Variants in TBC1D19 observed in about 807,000 individuals in gnomAD.
TBC1D19 encodes TBC1 domain family member 19.
A neutral mutation model predicts 89.0 loss-of-function variants in TBC1D19; 60 were observed. That is an observed-to-expected ratio of 0.67 (90% CI 0.55 to 0.84). The LOEUF (loss-of-function observed/expected upper bound fraction) is 0.84, where lower values mean the gene tolerates loss of function less well. TBC1D19 is among the 40% of genes least tolerant of loss of function. TBC1D19 has a pLI of 0.00. For synonymous variants in TBC1D19, 189 were observed against 199.7 expected (o/e 0.95, Z 0.45); for missense variants, 500 against 610.8 (o/e 0.82, Z 1.91).
In TBC1D19 at chr4:26,683,667, A is replaced by T. The variant is rs574301053; in HGVS notation, c.817-8A>T. 1 of 1,599,986 alleles carries T rather than the reference A, an allele frequency of 6.3e-7. No individual in the cohort carries two copies. Among genetic ancestry groups the T allele is most frequent in the Non-Finnish European group, 8.5e-7 (1 of 1,175,570 alleles). On this transcript the variant is annotated splice_region_variant and splice_polypyrimidine_tract_variant and intron_variant, in intron 11 of 20. Coordinates refer to ENST00000264866, the MANE Select transcript of TBC1D19 (RefSeq NM_018317.4). ...CCTTTAATTTTTTTGTTTTACTTTTAAATTTAGGATGTCTTGTATTATGAG... is the reference window on the plus strand; with the variant it reads ...CCTTTAATTTTTTTGTTTTACTTTTTAATTTAGGATGTCTTGTATTATGAG...
At chr4:26,810,792 A>G in the TBC1D19 span, among the ~76,000 whole-genome samples, 1 of 152,130 alleles carries the variant, frequency 6.6e-6, no homozygotes, top group African/African-American at 2.4e-5. Context: ...CTCCCACTAG[A>G]CAGTAAGTTC....
the TBC1D19 span, among the ~76,000 whole-genome samples, chr4:26,857,097 T>C: frequency 6.6e-6 from 1 of 152,248 alleles, no homozygotes; most frequent in Non-Finnish European, 1.5e-5. Flanking sequence ...AGGAAGGGTC[T>C]TGCTAATGAG....
chr4:26,624,781 T>G (rs10003174), intron 4 of TBC1D19, among the ~76,000 whole-genome samples: 249 of 152,206 alleles, frequency 1.6e-3, no homozygotes, highest in African/African-American at 5.7e-3. Flanking sequence ...TAGATACAGA[T>G]TCTGCCTTCA....
chr4:26,823,842 G>C, the TBC1D19 span, among the ~76,000 whole-genome samples: 2 of 152,346 alleles, frequency 1.3e-5, no homozygotes, highest in African/African-American at 4.8e-5. Flanking sequence ...CTTGTCGTCA[G>C]TGTATTTTTG....
At chr4:26,585,281 G>GT in intron 1 of TBC1D19, 3 of 384,304 alleles carry the variant, frequency 7.8e-6, no homozygotes, top group Non-Finnish European at 1.5e-5. Flanking sequence ...AGTTCCAATT[G>GT]TTTTGCGTCC....
chr4:26,754,196 T>C, intron 20 of TBC1D19: 1 of 257,164 alleles, frequency 3.9e-6, no homozygotes, highest in South Asian at 8.5e-5. Context: ...TTTTTTATCG[T>C]TCATGTCCAT....
chr4:26,710,025 G>C (rs1427088180), intron 13 of TBC1D19, among the ~76,000 whole-genome samples: 3 of 151,112 alleles, frequency 2.0e-5, no homozygotes, highest in Admixed American at 6.6e-5. Context: ...TCAGGGCAGA[G>C]TGTTTTTTTT....
the TBC1D19 span, among the ~76,000 whole-genome samples, chr4:26,808,718 A>C: frequency 1.6e-5 from 2 of 122,732 alleles, no homozygotes; most frequent in South Asian, 2.7e-4. Context: ...ACAGAGCAAG[A>C]CTCTGTCTCA....
intron 9 of TBC1D19, among the ~76,000 whole-genome samples, chr4:26,667,916 C>G (rs1056711242): frequency 2.0e-5 from 3 of 151,970 alleles, no homozygotes; most frequent in African/African-American, 7.2e-5. Flanking sequence ...TTGTCTTAGT[C>G]AATCTGGCAG....
chr4:26,842,588 CTTTCTT>C, the TBC1D19 span, among the ~76,000 whole-genome samples: 2 of 104,792 alleles, frequency 1.9e-5, no homozygotes, highest in African/African-American at 8.6e-5. Flanking sequence ...CCCTCCCTTT[CTTTCTT>C]TCTTTCTTTC....
intron 1 of TBC1D19, among the ~76,000 whole-genome samples, chr4:26,605,716 T>C (rs201330221): frequency 7.3e-5 from 11 of 150,312 alleles, no homozygotes; most frequent in South Asian, 6.3e-4. Context: ...CCAGCACCTG[T>C]TGTTTCCTGA....
chr4:26,809,841 G>C, the TBC1D19 span, among the ~76,000 whole-genome samples: 2 of 152,156 alleles, frequency 1.3e-5, no homozygotes, highest in African/African-American at 4.8e-5. Flanking sequence ...CCTTGAGCAT[G>C]CCACCTCTTT....
the TBC1D19 span, among the ~76,000 whole-genome samples, chr4:26,824,324 T>C: frequency 1.3e-5 from 2 of 152,232 alleles, no homozygotes; most frequent in African/African-American, 4.8e-5. Flanking sequence ...TTAAGACAAC[T>C]GCAGCTGGAT....
At chr4:26,692,333 T>C (rs1714367127) in intron 13 of TBC1D19, among the ~76,000 whole-genome samples, 1 of 152,244 alleles carries the variant, frequency 6.6e-6, no homozygotes, top group African/African-American at 2.4e-5. Flanking sequence ...CCAAAAGCTC[T>C]GACTCCACTC....
the TBC1D19 span, among the ~76,000 whole-genome samples, chr4:26,826,061 G>C: frequency 6.6e-6 from 1 of 152,176 alleles, no homozygotes. Context: ...AATTAGCCAG[G>C]CTTGGTGGCA....
At chr4:26,714,506 A>G (rs562285291) in intron 13 of TBC1D19, among the ~76,000 whole-genome samples, 1 of 152,084 alleles carries the variant, frequency 6.6e-6, no homozygotes, top group African/African-American at 2.4e-5. Context: ...CTGTTTCTTC[A>G]CTTGGGTTTC....
At chr4:26,580,604 C>T (rs1268460469), upstream of TBC1D19, among the ~76,000 whole-genome samples, 1 of 152,192 alleles carries the variant, frequency 6.6e-6, no homozygotes, top group Non-Finnish European at 1.5e-5. Flanking sequence ...ACACAACACA[C>T]ATCATGATTT....
intron 4 of TBC1D19, among the ~76,000 whole-genome samples, chr4:26,628,680 C>T (rs375326375): frequency 9.9e-5 from 15 of 151,962 alleles, no homozygotes; most frequent in Non-Finnish European, 1.6e-4. Context: ...ACAAAATCAA[C>T]GTACAAAAAT....
At chr4:26,771,302 TAGAACTACCATACA>T in the TBC1D19 span, among the ~76,000 whole-genome samples, 4 of 152,110 alleles carry the variant, frequency 2.6e-5, no homozygotes, top group Non-Finnish European at 4.4e-5. Context: ...AAAGTTAAAA[TAGAACTACCATACA>T]ATCCAGCAAT....
Sources: allele counts gnomAD v4.1 joint callset (sites outside exome capture counted in the v4.1 genomes callset), GRCh38; gene constraint gnomAD v4.1.1; transcripts MANE v1.5; gene names NCBI Gene and HGNC (gene_info 2026-07-23, HGNC 2026-07-21).